Variants in TRPV1 observed in about 807,000 individuals in gnomAD.
TRPV1 encodes transient receptor potential cation channel subfamily V member 1, also known as OTRPC1.
TRPV1 carries 82 observed loss-of-function variants against 82.3 expected under a neutral mutation model. The observed-to-expected ratio is 1.00, with a 90% CI of 0.83 to 1.20. The LOEUF is 1.20. Ranked by LOEUF, TRPV1 falls within the 50% of genes most tolerant of loss-of-function variation. TRPV1 has a pLI of 0.00. For missense variants in TRPV1, 1,067 were observed against 1,096.8 expected (o/e 0.97, Z 0.38); for synonymous variants, 515 against 467.7 (o/e 1.10, Z -1.30).
At position 3,591,328 on chromosome 17, in the gene TRPV1, C is replaced by A; in HGVS notation, c.310G>T (p.Ala104Ser). 1.3e-6 allele frequency: 2 copies of A among 1,593,498 alleles called. No homozygotes were observed. Among genetic ancestry groups the A allele is most frequent in the Non-Finnish European group, 1.7e-6 (2 of 1,171,480 alleles). ...AGCCTGAGGGTCTTCTCGGTGCTGG[C>A]GGCGACAGAGTCCTGGGACAGCAGC... is the stretch of plus-strand genomic sequence containing the variant. ...ARLLSQDSVA[A>S]STEKTLRLYD... Residue 104 changes from alanine (A) to serine (S), a missense_variant, in exon 4 of 17, where the codon GCC (alanine) becomes TCC (serine). By Grantham distance (99) the Ala-to-Ser change is moderately conservative (BLOSUM62 1). Transcript: ENST00000572705.
intron 7 of TRPV1, chr17:3,589,058 G>A (rs2075120027): frequency 1.6e-6 from 2 of 1,247,580 alleles, no homozygotes; most frequent in Non-Finnish European, 1.1e-6. Flanking sequence ...GGCTGAGGTG[G>A]AAGGATCACT....
Position 3,585,758 on chromosome 17 carries a change from C to G in TRPV1, c.1383+10G>C, listed in dbSNP as rs371803383. ...ACCCTCGCCCACGAGGCCTGAGCCT[C>G]TGGCCGCACCAAGCCATCCACGGGC... On this transcript the variant is annotated intron_variant, in intron 9 of 16. Coordinates refer to ENST00000572705, the MANE Select transcript of TRPV1 (RefSeq NM_080704.4). The G allele has an allele frequency of 6.2e-7, 1 of 1,611,500 alleles. No individual in the cohort carries two copies. The highest frequency in any genetic ancestry group is 8.5e-7 in the Non-Finnish European group (1 of 1,178,806).
intron 10 of TRPV1, among the ~76,000 whole-genome samples, chr17:3,582,216 C>CAAAAAAAAAAA (rs2075030380): frequency 1.6e-5 from 1 of 62,164 alleles, no homozygotes; most frequent in Non-Finnish European, 3.5e-5. Context: ...AAAAAAAAAT[C>CAAAAAAAAAAA]ACAGTGGAGC....
chr17:3,569,926 GGA>G (rs1442004113), intron 16 of TRPV1, among the ~76,000 whole-genome samples: 3 of 150,714 alleles, frequency 2.0e-5, no homozygotes, highest in African/African-American at 7.3e-5. Context: ...AAGTGGTCAG[GGA>G]GGAGGGGCCA....
At chr17:3,576,668 A>AAAAAAAT in intron 13 of TRPV1, among the ~76,000 whole-genome samples, 2 of 38,426 alleles carry the variant, frequency 5.2e-5, no homozygotes, top group Non-Finnish European at 5.3e-5. Context: ...AAAAAAAAAA[A>AAAAAAAT]ATATATATAT....
chr17:3,597,763 T>G (rs1437045254), intron 2 of TRPV1, among the ~76,000 whole-genome samples: 1 of 141,164 alleles, frequency 7.1e-6, no homozygotes, highest in Admixed American at 7.5e-5. Context: ...AACCTCCACC[T>G]CCCAGGTTTA....
chr17:3,575,801 T>C (rs1173833867), intron 13 of TRPV1, among the ~76,000 whole-genome samples: 2 of 152,122 alleles, frequency 1.3e-5, no homozygotes, highest in Admixed American at 6.6e-5. Context: ...CAAAAATGCA[T>C]GCCTGGCTAT....
At chr17:3,592,446 C>A (rs963682477) in intron 2 of TRPV1, 63 bp from the exon 3 acceptor site, 147 of 1,435,750 alleles carry the variant, frequency 1.0e-4, no homozygotes, top group Non-Finnish European at 1.2e-4. Context: ...TTAGACCCCA[C>A]CTGCCCTCCT....
intron 11 of TRPV1, among the ~76,000 whole-genome samples, chr17:3,579,037 G>A (rs973743875): frequency 6.6e-6 from 1 of 152,076 alleles, no homozygotes; most frequent in Non-Finnish European, 1.5e-5. Flanking sequence ...TGGGGAAGCC[G>A]GGAGGGGGAC....
At chr17:3,582,322 C>T (rs224533) in intron 10 of TRPV1, among the ~76,000 whole-genome samples, 150,957 of 151,606 alleles carry the variant, frequency 1, 75,158 homozygotes, top group Middle Eastern at 1. Flanking sequence ...AAGTGAGCCA[C>T]GATCACGCCA....
rs2075109240 is a variant in TRPV1 at position 3,588,283 on chromosome 17, G to T, written c.1129C>A (p.Pro377Thr). 1.9e-6 allele frequency: 3 copies of T among 1,577,762 alleles called. No homozygotes were observed. Among genetic ancestry groups the T allele is most frequent in the East Asian group, 4.7e-5 (2 of 42,568 alleles). ...AGGTCGTACAGCGAGGAGTGCACGG[G>T]CCCGTAGGCCCACTCGGTGAACTTC... ...SRKFTEWAYG[P>T]VHSSLYDLSC... Residue 377 changes from proline (P) to threonine (T), a missense_variant, in exon 8 of 17, where the codon CCC becomes ACC. Coordinates refer to ENST00000572705, the MANE Select transcript of TRPV1 (RefSeq NM_080704.4).
intron 14 of TRPV1, 101 bp downstream of exon 14, chr17:3,573,532 G>GCCCACCCCCCCCCCCCC: frequency 7.8e-6 from 2 of 257,076 alleles, no homozygotes; most frequent in Non-Finnish European, 1.5e-5. Flanking sequence ...GCCACACACC[G>GCCCACCCCCCCCCCCCC]CCCCCACCAC....
At chr17:3,585,744 C>G in intron 9 of TRPV1, 24 bp downstream of exon 9, 2 of 1,606,682 alleles carry the variant, frequency 1.2e-6, no homozygotes, top group South Asian at 2.2e-5. Flanking sequence ...CCCTCGCCCA[C>G]GAGGCCTGAG....
intron 10 of TRPV1, among the ~76,000 whole-genome samples, chr17:3,581,914 G>A (rs2075019996): frequency 6.8e-6 from 1 of 145,992 alleles, no homozygotes; most frequent in Admixed American, 7.0e-5. Flanking sequence ...AATGGGGCCA[G>A]GCACAGTGGC....
intron 2 of TRPV1, among the ~76,000 whole-genome samples, chr17:3,599,534 G>A (rs1022279178): frequency 7.3e-6 from 1 of 136,472 alleles, no homozygotes; most frequent in Non-Finnish European, 1.5e-5. Flanking sequence ...TACAGTATTT[G>A]TCTCTTTGCT....
At chr17:3,568,176 G>C (rs1373262637) in intron 16 of TRPV1, among the ~76,000 whole-genome samples, 1 of 152,034 alleles carries the variant, frequency 6.6e-6, no homozygotes, top group African/African-American at 2.4e-5. Context: ...CAAAAAATTA[G>C]CCGGGCGTAG....
chr17:3,601,272 C>T (rs2075260778), intron 2 of TRPV1, among the ~76,000 whole-genome samples: 1 of 152,026 alleles, frequency 6.6e-6, no homozygotes, highest in South Asian at 2.1e-4. Flanking sequence ...TTTCCCTGGT[C>T]CAACCTCCCA....
intron 16 of TRPV1, among the ~76,000 whole-genome samples, chr17:3,571,297 C>T (rs944832802): frequency 4.6e-5 from 7 of 152,180 alleles, no homozygotes; most frequent in South Asian, 2.1e-4. Context: ...GCCGCCTGCA[C>T]GGGCCCAGTG....
chr17:3,578,657 T>C (rs2074966182), intron 11 of TRPV1: 1 of 152,160 alleles, frequency 6.6e-6, no homozygotes, highest in Non-Finnish European at 1.5e-5. Context: ...GGGGCTAAAG[T>C]ATAGGTATCT....
Sources: gnomAD v4.1 joint callset for allele counts (sites outside exome capture counted in the v4.1 genomes callset) on GRCh38, gnomAD v4.1.1 for gene constraint, MANE v1.5 for transcripts, NCBI Gene and HGNC (gene_info 2026-07-23, HGNC 2026-07-21) for gene names.